The following KLF8 variants were observed in gnomAD, a reference collection of about 807,000 sequenced individuals.
The protein encoded by KLF8 is Krueppel-like factor 8.
Under a neutral mutation model 18.2 loss-of-function variants are expected in KLF8, and 10 were observed. The observed-to-expected ratio is 0.55, with a 90% CI of 0.34 to 0.93. KLF8 has a LOEUF of 0.93. KLF8 is among the 40% of genes least tolerant of loss of function. The pLI is 0.02. For missense variants in KLF8, 264 were observed against 277.9 expected (o/e 0.95, Z 0.36); for synonymous variants, 109 against 97.3 (o/e 1.12, Z -0.71).
At chrX:56,053,742 T>C in the KLF8 span, among the ~76,000 whole-genome samples, 1 of 110,124 alleles carries the variant, frequency 9.1e-6, no homozygotes, top group East Asian at 2.9e-4. Context: ...TGGGAGGGTG[T>C]ATGTGTCCAG....
chrX:56,111,634 G>GA, the KLF8 span, among the ~76,000 whole-genome samples: 1 of 110,978 alleles, frequency 9.0e-6, no homozygotes, highest in African/African-American at 3.3e-5. Flanking sequence ...AAATTTACAA[G>GA]AAAAAAACAA....
At chrX:55,960,978 A>G in the KLF8 span, among the ~76,000 whole-genome samples, 1 of 111,766 alleles carries the variant, frequency 8.9e-6, no homozygotes, top group Non-Finnish European at 1.9e-5. Flanking sequence ...GGTTCAATGT[A>G]AGGGAATGGA....
chrX:55,908,683 G>T, the KLF8 span: 1 of 288,370 alleles, frequency 3.5e-6, no homozygotes, highest in Non-Finnish European at 6.1e-6. Context: ...ACTCAACTAC[G>T]TGTGTAGTCC....
At chrX:55,937,969 A>G in the KLF8 span, among the ~76,000 whole-genome samples, 4 of 111,832 alleles carry the variant, frequency 3.6e-5, no homozygotes, top group African/African-American at 1.3e-4. Flanking sequence ...TATTGAGGAG[A>G]ACTTCCCCAA....
chrX:56,197,342 C>T, the KLF8 span, among the ~76,000 whole-genome samples: 1 of 110,725 alleles, frequency 9.0e-6, no homozygotes, highest in African/African-American at 3.3e-5. Context: ...TGATAGACCA[C>T]TAGCAAGACT....
chrX:56,112,118 G>A, the KLF8 span, among the ~76,000 whole-genome samples: 1 of 112,076 alleles, frequency 8.9e-6, no homozygotes, highest in Non-Finnish European at 1.9e-5. Flanking sequence ...TTCAGAAAAT[G>A]TGGTGCATAT....
the KLF8 span, among the ~76,000 whole-genome samples, chrX:56,166,914 G>A: frequency 6.3e-5 from 7 of 110,952 alleles, no homozygotes; most frequent in Admixed American, 9.7e-5. Flanking sequence ...TTGAGAACCC[G>A]AGAGGCCTAT....
chrX:56,007,175 ATT>A, the KLF8 span, among the ~76,000 whole-genome samples: 1 of 111,854 alleles, frequency 8.9e-6, no homozygotes, highest in East Asian at 2.8e-4. Flanking sequence ...ATCTGGCTGC[ATT>A]TATGGGTCCA....
At chrX:55,932,252 C>T in the KLF8 span, among the ~76,000 whole-genome samples, 1 of 109,770 alleles carries the variant, frequency 9.1e-6, no homozygotes, top group Non-Finnish European at 1.9e-5. Context: ...TATTTTGAGC[C>T]TATGTGTGTG....
chrX:56,062,850 C>A, the KLF8 span, among the ~76,000 whole-genome samples: 2 of 110,924 alleles, frequency 1.8e-5, no homozygotes, highest in Non-Finnish European at 3.8e-5. Flanking sequence ...GTCTTGGAGG[C>A]TTTGTTTGCT....
the KLF8 span, among the ~76,000 whole-genome samples, chrX:55,969,347 AT>A: frequency 3.6e-5 from 4 of 112,181 alleles, no homozygotes; most frequent in African/African-American, 1.3e-4. Context: ...ATGCTCCTGA[AT>A]GACCAGTGGG....
the KLF8 span, among the ~76,000 whole-genome samples, chrX:56,139,343 A>G: frequency 8.9e-6 from 1 of 112,061 alleles, no homozygotes; most frequent in South Asian, 3.7e-4. Context: ...TCGAACGGCC[A>G]AAACAATGCT....
chrX:56,021,270 G>A, the KLF8 span, among the ~76,000 whole-genome samples: 23,263 of 111,202 alleles, frequency 0.21, 4,911 homozygotes, highest in African/African-American at 0.66. Context: ...ATGCTGTTGT[G>A]TGCAGCAGTG....
intron 4 of KLF8, 148 bp downstream of exon 4, chrX:56,269,637 G>A: frequency 1.0e-6 from 1 of 974,365 alleles, no homozygotes; most frequent in Non-Finnish European, 1.3e-6. Context: ...TGCCTTTCCA[G>A]TGAAAGTATA....
chrX:56,065,567 G>A, the KLF8 span, among the ~76,000 whole-genome samples: 683 of 110,629 alleles, frequency 6.2e-3, 4 homozygotes, highest in South Asian at 0.027. Flanking sequence ...CATTGGATCT[G>A]TTGCTGGAAA....
At chrX:56,279,277 C>A (rs2067165724) in intron 5 of KLF8, among the ~76,000 whole-genome samples, 1 of 111,111 alleles carries the variant, frequency 9.0e-6, no homozygotes, top group Non-Finnish European at 1.9e-5. Context: ...GTAGAACATT[C>A]TATTTGGCCC....
chrX:56,177,910 A>G, the KLF8 span, among the ~76,000 whole-genome samples: 580 of 111,712 alleles, frequency 5.2e-3, 6 homozygotes, highest in South Asian at 0.014. Context: ...CAGGTGCCAG[A>G]TATAATCTCC....
rs1569195239 is a variant in KLF8, at chrX:56,284,932, A to G, written c.*438A>G. On this transcript the variant is annotated 3_prime_UTR_variant, in exon 6 of 6. Transcript: ENST00000468660. ...CCTAAAAGTGGTTTGATAGTGTCCT[A>G]AACGACTTTTTTAACTTCCTAAATG... 1 of 116,646 alleles carries G rather than the reference A, an allele frequency of 8.6e-6. No homozygotes were observed. The highest frequency in any genetic ancestry group is 1.8e-5 in the Non-Finnish European group (1 of 56,481). 9.6% of individuals were successfully genotyped at this position (116,646 alleles called of 1,213,427 possible). A position where few individuals can be genotyped will look rare whatever the true frequency, so the allele number is the denominator to read the frequency against.
At chrX:56,184,604 G>A in the KLF8 span, among the ~76,000 whole-genome samples, 1 of 112,165 alleles carries the variant, frequency 8.9e-6, no homozygotes, top group Non-Finnish European at 1.9e-5. Context: ...CTCCTGAGCA[G>A]CCTAACTGGG....
Sources: gnomAD v4.1 joint callset for allele counts (sites outside exome capture counted in the v4.1 genomes callset) on GRCh38, gnomAD v4.1.1 for gene constraint, MANE v1.5 for transcripts, NCBI Gene and HGNC (gene_info 2026-07-23, HGNC 2026-07-21) for gene names.